Variants in ZNF726 observed in about 807,000 individuals in gnomAD.
The protein encoded by ZNF726 is zinc finger protein 92 pseudogene 3.
A neutral mutation model predicts 11.6 loss-of-function variants in ZNF726; 15 were observed. The observed-to-expected ratio is 1.29, with a 90% CI of 0.86 to 1.99. The LOEUF (loss-of-function observed/expected upper bound fraction) is 1.99, where lower values mean the gene tolerates loss of function less well. ZNF726 is among the 30% of genes most tolerant of loss of function. The pLI is 0.00. For missense variants in ZNF726, 890 were observed against 725.6 expected (o/e 1.23, Z -2.60); for synonymous variants, 295 against 243.6 (o/e 1.21, Z -1.96).
chr19:23,933,499 A>C lies in ZNF726; in HGVS notation c.1383A>C (p.Ala461=). ...ACAAATGTGAAGAATGTAGTAAAGC[A>C]TTTAGCCGATCCTCAGCCCTAACTA... ...KPYKCEECSK[A]FSRSSALTTH... The change falls in exon 4 of 4, where the codon GCA becomes GCC. Residue 461 remains alanine (A), a synonymous_variant. Transcript: ENST00000594466. 1 of 1,612,188 alleles carries C rather than the reference A, an allele frequency of 6.2e-7. No homozygotes were observed. Among genetic ancestry groups the C allele is most frequent in the South Asian group, 1.1e-5 (1 of 91,012 alleles).
intron 3 of ZNF726, among the ~76,000 whole-genome samples, chr19:23,922,490 CCA>C (rs776759124): frequency 0.18 from 26,674 of 152,092 alleles, 2,409 homozygotes; most frequent in East Asian, 0.22. Flanking sequence ...CCCACGCTGC[CCA>C]TTGGCTCCCA....
At chr19:23,926,569 CA>C (rs76766569) in intron 3 of ZNF726, among the ~76,000 whole-genome samples, 25,932 of 114,188 alleles carry the variant, frequency 0.23, 2,234 homozygotes, top group African/African-American at 0.35. Flanking sequence ...GACTCTGTTC[CA>C]AAAAAAAAAA....
In ZNF726 at chr19:23,932,434, T is replaced by G; in HGVS notation, c.318T>G (p.Cys106Trp). ...TAATACTAAGAAGATTTGAAAAATGTGGACATGAGAATTTACAGTTAAGAA... is the reference window on the plus strand; with the variant it reads ...TAATACTAAGAAGATTTGAAAAATGGGGACATGAGAATTTACAGTTAAGAA... ...QKVILRRFEKCGHENLQLRKG... is the reference protein window; with the variant it reads ...QKVILRRFEKWGHENLQLRKG... Residue 106 changes from cysteine (C) to tryptophan (W), a missense_variant, in exon 4 of 4, where the codon TGT becomes TGG. Cys to Trp is a radical substitution (Grantham distance 215). Coordinates refer to ENST00000594466, the MANE Select transcript of ZNF726 (RefSeq NM_001244038.2). 6.4e-7 allele frequency: 1 copy of G among 1,568,802 alleles called. No homozygotes were observed. Among genetic ancestry groups the G allele is most frequent in the Non-Finnish European group, 8.6e-7 (1 of 1,161,624 alleles).
intron 3 of ZNF726, chr19:23,928,235 T>A (rs1439012861): frequency 6.6e-6 from 1 of 152,252 alleles, no homozygotes; most frequent in African/African-American, 2.4e-5. Flanking sequence ...TTCTACAGTC[T>A]GCTAAATTGT....
rs749027737 is a variant in ZNF726, at chr19:23,933,615, A to G, written c.1499A>G (p.Lys500Arg). 2.7e-5 allele frequency: 43 copies of G among 1,611,662 alleles called. 2 individuals carry two copies. In the South Asian group the frequency reaches 4.0e-4, roughly 15 times the overall value. Residue 500 changes from lysine (K) to arginine (R), a missense_variant, in exon 4 of 4, where the codon AAG (lysine) becomes AGG (arginine). Coordinates refer to ENST00000594466, the MANE Select transcript of ZNF726 (RefSeq NM_001244038.2). ...FSQSSTLTAH[K>R]IIHTGEKPYK... is the part of the protein sequence containing the mutation. ...CAGTCCTCAACCCTTACTGCACATA[A>G]GATAATTCATACTGGAGAGAAACCC...
intron 1 of ZNF726, among the ~76,000 whole-genome samples, chr19:23,917,715 C>A (rs939409846): frequency 3.3e-5 from 5 of 152,028 alleles, no homozygotes; most frequent in Non-Finnish European, 7.4e-5. Flanking sequence ...CATTTACTGT[C>A]TGAAAGGAAT....
chr19:23,918,537 G>A (rs114956302), intron 1 of ZNF726, among the ~76,000 whole-genome samples: 426 of 152,236 alleles, frequency 2.8e-3, no homozygotes, highest in African/African-American at 9.9e-3. Context: ...GCTTTAGTGG[G>A]GGTAATACCT....
intron 4 of ZNF726, chr19:23,944,606 C>G (rs1459241508): frequency 1.8e-5 from 3 of 165,576 alleles, no homozygotes; most frequent in Non-Finnish European, 3.8e-5. Flanking sequence ...TTCATTTATT[C>G]TGTAGGTTGC....
chr19:23,940,747 A>C (rs1968325893), intron 3 of ZNF726, among the ~76,000 whole-genome samples: 1 of 151,942 alleles, frequency 6.6e-6, no homozygotes, highest in African/African-American at 2.4e-5. Context: ...ATTTTTATTC[A>C]GCTATTGTAA....
intron 3 of ZNF726, among the ~76,000 whole-genome samples, chr19:23,941,888 G>A (rs1382995294): frequency 1.3e-5 from 2 of 151,902 alleles, no homozygotes; most frequent in Non-Finnish European, 1.5e-5. Context: ...CTTGCTAATG[G>A]CCTATCAATT....
chr19:23,938,930 T>C (rs1968292905), downstream of ZNF726, among the ~76,000 whole-genome samples: 1 of 152,156 alleles, frequency 6.6e-6, no homozygotes, highest in Admixed American at 6.5e-5. Flanking sequence ...TTATGAAATA[T>C]TCATTATGTG....
At chr19:23,937,258 C>A (rs1288830966), downstream of ZNF726, among the ~76,000 whole-genome samples, 303 of 149,938 alleles carry the variant, frequency 2.0e-3, 4 homozygotes, top group Non-Finnish European at 3.3e-3. Context: ...TCCCTCCCAG[C>A]CGGGGCGGCT....
chr19:23,919,348 A>C (rs776091174), intron 1 of ZNF726, 25 bp from the exon 2 acceptor site: 10 of 1,595,964 alleles, frequency 6.3e-6, no homozygotes, highest in Non-Finnish European at 6.8e-6. Flanking sequence ...CTTTGTAAAT[A>C]TGTGTGTTTG....
In ZNF726 at chr19:23,933,537, T is replaced by A. The variant is rs760736115; in HGVS notation, c.1421T>A (p.Met474Lys). The change falls in exon 4 of 4, where the codon ATG becomes AAG. Residue 474 changes from methionine to lysine, a missense_variant. Met to Lys is a moderately conservative substitution (Grantham distance 95). Coordinates refer to ENST00000594466, the MANE Select transcript of ZNF726 (RefSeq NM_001244038.2). ...TCAGCCCTAACTACACATAAGAGGA[T>A]GCACACTGGAGAGAAACCCTACAAA... ...RSSALTTHKR[M>K]HTGEKPYKCE... 6.2e-7 allele frequency: 1 copy of A among 1,612,944 alleles called. No individual in the cohort carries two copies. The highest frequency in any genetic ancestry group is 2.2e-5 in the East Asian group (1 of 44,850).
At chr19:23,939,812 A>G (rs1968307361) in intron 3 of ZNF726, among the ~76,000 whole-genome samples, 1 of 135,216 alleles carries the variant, frequency 7.4e-6, no homozygotes, top group Admixed American at 7.2e-5. Context: ...AGCCATTTGT[A>G]TATCTTTTGA....
In ZNF726 at chr19:23,934,127, G is replaced by A. The variant is rs781378516; in HGVS notation, c.*160G>A. 5.0e-6 allele frequency: 5 copies of A among 1,006,074 alleles called. No homozygotes were observed. Among genetic ancestry groups the A allele is most frequent in the Non-Finnish European group, 7.8e-6 (5 of 641,770 alleles). The allele number at this position is 1,006,074 out of a possible 1,614,324, so 62.3% of individuals were successfully genotyped here. On this transcript the variant is annotated 3_prime_UTR_variant, in exon 4 of 4. Transcript: ENST00000594466. ...ACTAAACATTAGATAATTCACACTG[G>A]AGAGAAACCTTACAAGTGTGAAGAA...
At chr19:23,919,813 TAAG>T in intron 2 of ZNF726, 171 bp from the exon 3 acceptor site, 1 of 474,254 alleles carries the variant, frequency 2.1e-6, no homozygotes, top group Non-Finnish European at 3.3e-6. Context: ...GCAGTGAAAT[TAAG>T]AACCTACAAA....
At chr19:23,940,142 G>C (rs904156902) in intron 3 of ZNF726, among the ~76,000 whole-genome samples, 4 of 152,034 alleles carry the variant, frequency 2.6e-5, no homozygotes, top group South Asian at 4.1e-4. Context: ...AATTTTTATA[G>C]TTTCAGGTCT....
intron 3 of ZNF726, among the ~76,000 whole-genome samples, chr19:23,939,898 G>C (rs1284265575): frequency 1.1e-5 from 1 of 87,696 alleles, no homozygotes; most frequent in African/African-American, 4.6e-5. Context: ...TGATTCGTTT[G>C]AGTTCACTGT....
Sources: gnomAD v4.1 joint callset for allele counts (sites outside exome capture counted in the v4.1 genomes callset) on GRCh38, gnomAD v4.1.1 for gene constraint, MANE v1.5 for transcripts, NCBI Gene and HGNC (gene_info 2026-07-23, HGNC 2026-07-21) for gene names.